GRTP1: variants seen among roughly 807,000 people sequenced by gnomAD.
GRTP1 encodes growth hormone-regulated TBC protein 1.
GRTP1 carries 56 observed loss-of-function variants against 38.1 expected under a neutral mutation model. The ratio of observed to expected loss-of-function variants is 1.47; its 90% CI spans 1.19 to 1.84. The LOEUF (loss-of-function observed/expected upper bound fraction) is 1.84, where lower values mean the gene tolerates loss of function less well. GRTP1 is among the 40% of genes most tolerant of loss of function. The probability of loss-of-function intolerance (pLI) is 0.00; values close to 1 mark genes in which losing one functional copy is unlikely to be tolerated. For missense variants in GRTP1, 506 were observed against 453.9 expected (o/e 1.11, Z -1.04); for synonymous variants, 217 against 189.5 (o/e 1.14, Z -1.19).
At position 113,350,004 on chromosome 13, in the gene GRTP1, TG is replaced by T. The variant is rs1203199226; in HGVS notation, c.465+844del. Among the ~76,000 whole-genome samples, 3 of 151,938 alleles carry T rather than the reference TG, an allele frequency of 2.0e-5. No homozygotes were observed. The East Asian group carries it at 5.8e-4, about 30-fold the overall frequency. ...CCAGGAACGCACTCTCCAATCCCGG[TG>T]GCAGCCGTGGGCTCCAGGCTCTCAG... is the stretch of plus-strand genomic sequence containing the variant. On this transcript the variant is annotated intron_variant, in intron 4 of 7. Coordinates refer to ENST00000375431, the MANE Select transcript of GRTP1 (RefSeq NM_024719.4).
chr13:113,362,707 G>A (rs2043520944), intron 2 of GRTP1, among the ~76,000 whole-genome samples: 1 of 152,104 alleles, frequency 6.6e-6, no homozygotes, highest in East Asian at 1.9e-4. Context: ...GCCTGGCCGT[G>A]GTCACCACAC....
chr13:113,360,926 C>G (rs1204863657), intron 2 of GRTP1, among the ~76,000 whole-genome samples: 1 of 151,866 alleles, frequency 6.6e-6, no homozygotes, highest in Non-Finnish European at 1.5e-5. Flanking sequence ...GCCTGGCCAA[C>G]AAGGCAAAAC....
At position 113,346,702 on chromosome 13, in the gene GRTP1, G is replaced by A. The variant is rs867499471; in HGVS notation, c.466-1743C>T. 6.1e-3 allele frequency among the ~76,000 whole-genome samples: 3 copies of A among 488 alleles called. 1 individual carries two copies. The highest frequency in any genetic ancestry group is 0.027 in the African/African-American group (3 of 112). 0.3% of individuals were successfully genotyped at this position (488 alleles called of 152,430 possible). A position where few individuals can be genotyped will look rare whatever the true frequency, so the allele number is the denominator to read the frequency against. On this transcript the variant is annotated intron_variant, in intron 4 of 7. Coordinates refer to ENST00000375431, the MANE Select transcript of GRTP1 (RefSeq NM_024719.4). ...TCTGGGAGGACCTCTGTGGCAGAGA[G>A]CAGACCCGGGAGGACCTCTGTGGCT...
In GRTP1 at chr13:113,324,531, T is replaced by G; in HGVS notation, c.968A>C (p.Lys323Thr). 2 of 1,612,086 alleles carry G rather than the reference T, an allele frequency of 1.2e-6. No homozygotes were observed. Among genetic ancestry groups the G allele is most frequent in the South Asian group, 1.1e-5 (1 of 90,456 alleles). ...PGSLSMATVA[K>T]LRESCRARLL... The stretch of plus-strand genomic sequence containing the variant: ...CCGGGCCCTGCAGCTCTCGCGGAGC[T>G]TGGCGACGGTGGCCATGGATAAGCT... Residue 323 changes from lysine to threonine, a missense_variant, in exon 8 of 8, where the codon AAG (lysine) becomes ACG (threonine). By Grantham distance (78) the Lys-to-Thr change is moderately conservative. Coordinates refer to ENST00000375431, the MANE Select transcript of GRTP1 (RefSeq NM_024719.4).
intron 4 of GRTP1, among the ~76,000 whole-genome samples, chr13:113,347,695 G>T (rs1344960240): frequency 1.0e-5 from 1 of 97,368 alleles, no homozygotes; most frequent in African/African-American, 4.7e-5. Flanking sequence ...GACCCGGGAG[G>T]ACCTCTGTGG....
chr13:113,333,839 G>A (rs5014443), intron 5 of GRTP1, among the ~76,000 whole-genome samples: 5 of 11,360 alleles, frequency 4.4e-4, no homozygotes, highest in African/African-American at 5.9e-4. Context: ...TATTTATTTA[G>A]TGTGTGTGTG....
chr13:113,363,732 T>A, intron 2 of GRTP1, 30 bp downstream of exon 2: 3 of 1,544,938 alleles, frequency 1.9e-6, no homozygotes, highest in Non-Finnish European at 2.6e-6. Context: ...ACCTGCGCCC[T>A]CGGGACCCAC....
intron 2 of GRTP1, among the ~76,000 whole-genome samples, chr13:113,360,735 T>C (rs1319127484): frequency 6.6e-6 from 1 of 152,168 alleles, no homozygotes; most frequent in Non-Finnish European, 1.5e-5. Flanking sequence ...CTGAGGCTCA[T>C]ATAGGATCAA....
chr13:113,332,290 A>AC (rs2042883320), intron 5 of GRTP1, among the ~76,000 whole-genome samples: 4 of 146,068 alleles, frequency 2.7e-5, no homozygotes, highest in African/African-American at 1.0e-4. Flanking sequence ...GTGCACACAC[A>AC]CACCACACGT....
intron 3 of GRTP1, 29 bp from the exon 4 acceptor site, chr13:113,351,002 C>T (rs767115012): frequency 1.5e-5 from 24 of 1,611,920 alleles, no homozygotes; most frequent in African/African-American, 4.0e-5. Context: ...GAATCACCCA[C>T]GGGTTTCTGT....
intron 5 of GRTP1, among the ~76,000 whole-genome samples, chr13:113,330,362 G>T (rs2042844637): frequency 2.3e-5 from 3 of 130,466 alleles, no homozygotes; most frequent in Non-Finnish European, 3.2e-5. Context: ...CCAGGTGTGT[G>T]GAAGGAAACC....
intron 3 of GRTP1, among the ~76,000 whole-genome samples, chr13:113,352,280 A>T (rs9549746): frequency 0.13 from 2,498 of 19,678 alleles, 48 homozygotes; most frequent in African/African-American, 0.21. Context: ...TTTTATATAT[A>T]TTTATATATA....
chr13:113,347,687 C>T (rs1253845765), intron 4 of GRTP1, among the ~76,000 whole-genome samples: 1 of 17,560 alleles, frequency 5.7e-5, no homozygotes, highest in Admixed American at 6.2e-4. Context: ...AGAGAGCAGA[C>T]CCGGGAGGAC....
intron 2 of GRTP1, 43 bp downstream of exon 2, chr13:113,363,719 C>A (rs1326025436): frequency 1.9e-6 from 3 of 1,573,372 alleles, no homozygotes; most frequent in East Asian, 2.3e-5. Context: ...CCCAGCCCAA[C>A]CCACCTGCGC....
chr13:113,348,029 TGGCCGAGTGGACCCGGGAGGATCTCC>T lies in GRTP1; in HGVS notation c.465+2794_465+2819del, dbSNP rs2043199677. Among the ~76,000 whole-genome samples, 4 of 148,886 alleles carry T rather than the reference TGGCCGAGTGGACCCGGGAGGATCTCC, an allele frequency of 2.7e-5. No individual in the cohort carries two copies. The highest frequency in any genetic ancestry group is 9.9e-5 in the African/African-American group (4 of 40,338). Reference sequence around the variant, plus strand: ...CTGAGCGGACCTGGGAGGACCTGTCTGGCCGAGTGGACCCGGGAGGATCTCCGTGGCTGAGAATGGACCCCTTTGAG... The same window carrying T: ...CTGAGCGGACCTGGGAGGACCTGTCTGTGGCTGAGAATGGACCCCTTTGAG... On this transcript the variant is annotated intron_variant, in intron 4 of 7. Transcript: ENST00000375431. This position sits in a 1 kb window ranked among gnomAD's most constrained non-coding sequence, Gnocchi z 4.8.
chr13:113,361,210 TAAA>T (rs60140159), intron 2 of GRTP1, among the ~76,000 whole-genome samples: 99 of 125,330 alleles, frequency 7.9e-4, no homozygotes, highest in Middle Eastern at 4.0e-3. Context: ...AGACCAATGC[TAAA>T]AAAAAAAAAA....
chr13:113,356,014 A>C (rs940218971), intron 2 of GRTP1, among the ~76,000 whole-genome samples: 1 of 151,080 alleles, frequency 6.6e-6, no homozygotes, highest in Non-Finnish European at 1.5e-5. Context: ...TGAAAAAGTA[A>C]TTAGTAATTT....
chr13:113,350,422 C>T (rs931449423), intron 4 of GRTP1, among the ~76,000 whole-genome samples: 11 of 134,286 alleles, frequency 8.2e-5, no homozygotes, highest in African/African-American at 3.1e-4. Flanking sequence ...CCCCATAGCA[C>T]ACACATCCCA....
At chr13:113,355,685 C>T (rs1261590207) in intron 2 of GRTP1, 8 of 507,320 alleles carry the variant, frequency 1.6e-5, no homozygotes, top group Non-Finnish European at 1.3e-5. Flanking sequence ...AGAGCACAAA[C>T]CAGACTGGCT....
Sources: gnomAD v4.1 joint callset for allele counts (sites outside exome capture counted in the v4.1 genomes callset) on GRCh38, gnomAD v4.1.1 for gene constraint, Gnocchi (gnomAD v3.1) non-coding constraint, MANE v1.5 for transcripts, NCBI Gene and HGNC (gene_info 2026-07-23, HGNC 2026-07-21) for gene names.